Variants in SEZ6L observed in about 807,000 individuals in gnomAD.
The protein encoded by SEZ6L is seizure 6-like protein.
Under a neutral mutation model 106.2 loss-of-function variants are expected in SEZ6L, and 37 were observed. That is an observed-to-expected ratio of 0.35 (90% confidence interval 0.27 to 0.46). SEZ6L has a LOEUF of 0.46. Ranked by LOEUF, SEZ6L falls within the 20% of genes least tolerant of loss-of-function variation. The pLI is 1.00. For synonymous variants in SEZ6L, 541 were observed against 570.4 expected (o/e 0.95, Z 0.73); for missense variants, 1,172 against 1,332.8 (o/e 0.88, Z 1.88).
intron 10 of SEZ6L, 54 bp downstream of exon 10, chr22:26,340,686 A>G: frequency 6.7e-7 from 1 of 1,487,582 alleles, no homozygotes; most frequent in Non-Finnish European, 9.2e-7. Context: ...ATACAGGTTA[A>G]GGTGGTTTCC....
chr22:26,356,919 C>T (rs1280048562), intron 12 of SEZ6L, among the ~76,000 whole-genome samples: 4 of 151,544 alleles, frequency 2.6e-5, no homozygotes, highest in Non-Finnish European at 5.9e-5. Flanking sequence ...GCTGGTAGTT[C>T]ACAAGGGTCC....
chr22:26,299,859 G>T (rs936080445), intron 5 of SEZ6L, among the ~76,000 whole-genome samples: 2 of 152,172 alleles, frequency 1.3e-5, no homozygotes, highest in African/African-American at 4.8e-5. Context: ...GAATTGCTGG[G>T]TCATAGGGTC....
intron 1 of SEZ6L, among the ~76,000 whole-genome samples, chr22:26,263,318 T>C (rs912430724): frequency 6.6e-6 from 1 of 152,214 alleles, no homozygotes; most frequent in Non-Finnish European, 1.5e-5. Flanking sequence ...CTTGCAGAAG[T>C]AGCCCCCACC....
At position 26,365,378 on chromosome 22, in the gene SEZ6L, A is replaced by C; in HGVS notation, c.2606A>C (p.Glu869Ala). ...TSRLPHCVSE[E>A]SLACDNPGLP... ...CTTCTGGCTTGCATTTCAGCGGAGG[A>C]GTCCCTGGCATGTGACAACCCAGGG... Residue 869 changes from glutamate (E) to alanine (A), a missense_variant, in exon 13 of 17, where the codon GAG becomes GCG. Glu to Ala is a moderately radical substitution (Grantham distance 107). Coordinates refer to ENST00000248933, the MANE Select transcript of SEZ6L (RefSeq NM_021115.5). 1.3e-6 allele frequency: 2 copies of C among 1,599,430 alleles called. No homozygotes were observed. Among genetic ancestry groups the C allele is most frequent in the Non-Finnish European group, 1.7e-6 (2 of 1,168,294 alleles).
At chr22:26,305,950 C>T (rs2081616834) in intron 5 of SEZ6L, 29 bp from the exon 6 acceptor site, 1 of 1,551,792 alleles carries the variant, frequency 6.4e-7, no homozygotes, top group Non-Finnish European at 8.9e-7. Context: ...TGCTCTCTCC[C>T]ATTGCCCACC....
At chr22:26,346,570 T>C (rs1015210277) in intron 10 of SEZ6L, among the ~76,000 whole-genome samples, 5 of 152,172 alleles carry the variant, frequency 3.3e-5, no homozygotes, top group African/African-American at 1.2e-4. Flanking sequence ...GGCTTTGTCT[T>C]GGGGTCTCTC....
intron 10 of SEZ6L, among the ~76,000 whole-genome samples, chr22:26,343,377 C>G (rs1299138461): frequency 6.6e-6 from 1 of 150,742 alleles, no homozygotes; most frequent in African/African-American, 2.4e-5. Context: ...TCAAGGTTAA[C>G]CAGAAAGTCT....
chr22:26,367,581 C>T (rs1207137993), intron 13 of SEZ6L, among the ~76,000 whole-genome samples: 2 of 152,046 alleles, frequency 1.3e-5, no homozygotes, highest in African/African-American at 4.8e-5. Flanking sequence ...TGGCCTCAAA[C>T]GATCCTCCCA....
intron 1 of SEZ6L, among the ~76,000 whole-genome samples, chr22:26,191,009 G>C (rs1940163125): frequency 6.6e-6 from 1 of 152,206 alleles, no homozygotes; most frequent in Non-Finnish European, 1.5e-5. Flanking sequence ...AGCATGGAAA[G>C]TGTGCAGAAA....
intron 1 of SEZ6L, 75 bp from the exon 2 acceptor site, chr22:26,292,331 C>A: frequency 8.0e-7 from 1 of 1,246,184 alleles, no homozygotes; most frequent in South Asian, 1.4e-5. Context: ...TTAGGAGGGC[C>A]ACCCTCAGAG....
chr22:26,328,707 C>A (rs529911069), intron 9 of SEZ6L, among the ~76,000 whole-genome samples: 7 of 152,064 alleles, frequency 4.6e-5, no homozygotes, highest in Admixed American at 3.9e-4. Context: ...GACGGCAGGC[C>A]GAGAGCAGGA....
intron 13 of SEZ6L, among the ~76,000 whole-genome samples, chr22:26,367,334 T>C (rs2083852367): frequency 6.6e-6 from 1 of 151,972 alleles, no homozygotes; most frequent in South Asian, 2.1e-4. Flanking sequence ...TTGATTTGTT[T>C]GTTTGTTTTT....
At chr22:26,305,947 T>TACCAATTCCCA in intron 5 of SEZ6L, 32 bp from the exon 6 acceptor site, 2 of 1,519,160 alleles carry the variant, frequency 1.3e-6, no homozygotes, top group Non-Finnish European at 1.8e-6. Flanking sequence ...CTCTGCTCTC[T>TACCAATTCCCA]CCCATTGCCC....
At chr22:26,368,152 T>G (rs2083884653) in intron 13 of SEZ6L, among the ~76,000 whole-genome samples, 1 of 152,246 alleles carries the variant, frequency 6.6e-6, no homozygotes, top group African/African-American at 2.4e-5. Context: ...ATGTCTCTAC[T>G]TGGGAACCCC....
intron 12 of SEZ6L, among the ~76,000 whole-genome samples, chr22:26,358,365 C>T (rs913024304): frequency 5.3e-5 from 8 of 152,274 alleles, no homozygotes; most frequent in Non-Finnish European, 5.9e-5. Flanking sequence ...GATTGAAAAA[C>T]GAACATGCCA....
Position 26,382,723 on chromosome 22 carries a change from G to C in SEZ6L, c.*2428G>C, listed in dbSNP as rs906599058. 6.6e-6 allele frequency: 1 copy of C among 150,584 alleles called. No individual in the cohort carries two copies. The highest frequency in any genetic ancestry group is 1.5e-5 in the Non-Finnish European group (1 of 67,656). The allele number at this position is 150,584 out of a possible 1,614,324, so 9.3% of individuals were successfully genotyped here. ...TTTTAAAATATCTGAATGTGTATTT[G>C]TAATACGTAAAGGTAAAAAAAAATA... On this transcript the variant is annotated 3_prime_UTR_variant, in exon 17 of 17. Transcript: ENST00000248933.
intron 1 of SEZ6L, among the ~76,000 whole-genome samples, chr22:26,286,479 C>A (rs1022747578): frequency 2.0e-5 from 3 of 152,222 alleles, no homozygotes; most frequent in Non-Finnish European, 4.4e-5. Flanking sequence ...TAGTGCCATT[C>A]TTCAAGTCAA....
intron 1 of SEZ6L, among the ~76,000 whole-genome samples, chr22:26,256,179 G>T (rs190447875): frequency 1.2e-3 from 181 of 152,334 alleles, no homozygotes; most frequent in Non-Finnish European, 6.2e-4. Flanking sequence ...AAATGCGTAA[G>T]AGACTAGGTA....
chr22:26,322,453 C>G (rs771001153), intron 9 of SEZ6L, among the ~76,000 whole-genome samples: 1 of 152,158 alleles, frequency 6.6e-6, no homozygotes, highest in Non-Finnish European at 1.5e-5. Flanking sequence ...AACAGACAGC[C>G]TGGCAAAATG....
Sources: allele counts gnomAD v4.1 joint callset (sites outside exome capture counted in the v4.1 genomes callset), GRCh38; gene constraint gnomAD v4.1.1; transcripts MANE v1.5; gene names NCBI Gene and HGNC (gene_info 2026-07-23, HGNC 2026-07-21).